Variants in CACNA1C observed in about 807,000 individuals in gnomAD.
CACNA1C encodes the protein voltage-dependent L-type calcium channel subunit alpha-1C.
CACNA1C carries 30 observed loss-of-function variants against 229.0 expected under a neutral mutation model. The ratio of observed to expected loss-of-function variants is 0.13; its 90% CI spans 0.10 to 0.18. The LOEUF (loss-of-function observed/expected upper bound fraction) is 0.18, where lower values mean the gene tolerates loss of function less well. CACNA1C is among the 10% of genes least tolerant of loss of function. The probability of loss-of-function intolerance (pLI) is 1.00; values close to 1 mark genes in which losing one functional copy is unlikely to be tolerated. For missense variants in CACNA1C, 1,658 were observed against 2,845.0 expected (o/e 0.58, Z 9.49); for synonymous variants, 1,114 against 1,132.5 (o/e 0.98, Z 0.33).
At position 2,409,256 on chromosome 12, in the gene CACNA1C, C is replaced by T. The variant is rs181966237; in HGVS notation, c.478-39720C>T. On this transcript the variant is annotated intron_variant, in intron 3 of 46. Transcript: ENST00000399655. The stretch of plus-strand genomic sequence containing the variant: ...GCTTTGAATTGGGATGTTTGGGTTC[C>T]GACCTAGTTTTGCCACTAATCAGCT... Among the ~76,000 whole-genome samples the T allele has an allele frequency of 3.3e-5, 5 of 152,318 alleles. No homozygotes were observed. In the East Asian group the frequency reaches 5.8e-4, roughly 18 times the overall value.
At chr12:2,541,717 G>C (rs2099870927) in intron 9 of CACNA1C, among the ~76,000 whole-genome samples, 1 of 152,178 alleles carries the variant, frequency 6.6e-6, no homozygotes, top group Non-Finnish European at 1.5e-5. Flanking sequence ...AATACACACT[G>C]GGCATTTTTC....
At position 2,607,069 on chromosome 12, in the gene CACNA1C, G is replaced by A. The variant is rs771549676; in HGVS notation, c.3295G>A (p.Asp1099Asn). The change falls in exon 26 of 47, where the codon GAC (aspartate) becomes AAC (asparagine). Residue 1099 changes from aspartate (D) to asparagine (N), a missense_variant. Transcript: ENST00000399655. ...RSWENSKFDFDNVLAAMMALF... is the reference protein window; with the variant it reads ...RSWENSKFDFNNVLAAMMALF... ...CTGGGAGAACAGCAAGTTTGACTTT[G>A]ACAATGTTCTGGCAGCCATGATGGC... 3.1e-6 allele frequency: 5 copies of A among 1,613,850 alleles called. No homozygotes were observed. The African/African-American group carries it at 6.7e-5, about 22-fold the overall frequency.
intron 3 of CACNA1C, among the ~76,000 whole-genome samples, chr12:2,209,510 A>G (rs997118865): frequency 2.6e-5 from 4 of 152,222 alleles, no homozygotes; most frequent in Admixed American, 2.0e-4. Context: ...GTGCTGTTTC[A>G]TAAGGTGGTT....
At chr12:2,581,134 C>T (rs1447936698) in intron 13 of CACNA1C, among the ~76,000 whole-genome samples, 1 of 152,214 alleles carries the variant, frequency 6.6e-6, no homozygotes, top group African/African-American at 2.4e-5. Context: ...TAGAGACCAA[C>T]AGTGACAACA....
intron 4 of CACNA1C, among the ~76,000 whole-genome samples, chr12:2,452,694 C>T (rs931552389): frequency 2.6e-5 from 4 of 152,188 alleles, no homozygotes; most frequent in South Asian, 2.1e-4. Context: ...GAATTAAAAG[C>T]GGATACTTAA....
At chr12:2,557,028 T>G in intron 11 of CACNA1C, 51 bp downstream of exon 11, 1 of 1,541,670 alleles carries the variant, frequency 6.5e-7, no homozygotes, top group Non-Finnish European at 9.0e-7. Flanking sequence ...AGCTCTGTCT[T>G]CAGCCACCCT....
At chr12:2,173,604 T>C (rs1483862563) in intron 3 of CACNA1C, among the ~76,000 whole-genome samples, 1 of 152,136 alleles carries the variant, frequency 6.6e-6, no homozygotes, top group Non-Finnish European at 1.5e-5. Flanking sequence ...GTTTTCACCC[T>C]GTATCCCCAT....
chr12:2,463,442 G>A (rs930586008), intron 5 of CACNA1C, among the ~76,000 whole-genome samples: 6 of 152,080 alleles, frequency 3.9e-5, no homozygotes, highest in Admixed American at 3.9e-4. Context: ...TGTAGTAGAA[G>A]AAAAAATATT....
At chr12:2,066,270 G>A (rs1310548198) in intron 1 of CACNA1C, among the ~76,000 whole-genome samples, 1 of 152,108 alleles carries the variant, frequency 6.6e-6, no homozygotes, top group African/African-American at 2.4e-5. Context: ...TTCTGTCTAA[G>A]AAGGTGCTAT....
intron 9 of CACNA1C, among the ~76,000 whole-genome samples, chr12:2,544,654 C>T (rs907366248): frequency 1.3e-4 from 20 of 152,308 alleles, no homozygotes; most frequent in African/African-American, 4.3e-4. Context: ...TGTAAAACTC[C>T]GTGCTTCCAG....
In CACNA1C at chr12:2,120,428, C is replaced by T; in HGVS notation, c.475C>T (p.Leu159=). ...TGATTCCAACGCCACCAATTCCAAC[C>T]TGGTAAGTCCACCATCCTCAAGTCT... ...EDDSNATNSN[L]ERVEYLFLII... Residue 159 remains leucine, a splice_region_variant and synonymous_variant, in exon 3 of 47, where the codon CTG becomes TTG. Coordinates refer to ENST00000399655, the MANE Select transcript of CACNA1C (RefSeq NM_000719.7). 1.9e-6 allele frequency: 3 copies of T among 1,550,878 alleles called. No homozygotes were observed. The highest frequency in any genetic ancestry group is 1.1e-5 in the South Asian group (1 of 89,798).
chr12:2,468,350 G>A (rs1268915237), intron 5 of CACNA1C, among the ~76,000 whole-genome samples: 2 of 152,208 alleles, frequency 1.3e-5, no homozygotes, highest in Non-Finnish European at 1.5e-5. Context: ...AGTGATAAAT[G>A]TTAGGGTTAC....
At chr12:2,160,931 C>T (rs2095823302) in intron 3 of CACNA1C, among the ~76,000 whole-genome samples, 1 of 152,232 alleles carries the variant, frequency 6.6e-6, no homozygotes. Context: ...AAGCGATTCT[C>T]CTGCCTCAGC....
intron 29 of CACNA1C, chr12:2,613,795 A>G (rs2079063443): frequency 6.6e-6 from 1 of 152,662 alleles, no homozygotes; most frequent in Non-Finnish European, 1.5e-5. Context: ...TTCGCCACCC[A>G]CAGCAGCATG....
chr12:2,450,350 C>T lies in CACNA1C; in HGVS notation c.617+1235C>T, dbSNP rs10848657. ...CGGGCGGATCACGAGGTCAGGAGAT[C>T]GAGACCATCCTGGCTAACACGGTGA... On this transcript the variant is annotated intron_variant, in intron 4 of 46. Coordinates refer to ENST00000399655, the MANE Select transcript of CACNA1C (RefSeq NM_000719.7). Among the ~76,000 whole-genome samples the T allele has an allele frequency of 7.4e-3, 1,118 of 151,828 alleles. 6 individuals are homozygous for T. The highest frequency in any genetic ancestry group is 9.5e-3 in the Non-Finnish European group (645 of 67,934).
At chr12:2,269,243 G>A (rs1021588149) in intron 3 of CACNA1C, among the ~76,000 whole-genome samples, 3 of 152,208 alleles carry the variant, frequency 2.0e-5, no homozygotes, top group East Asian at 1.9e-4. Context: ...CCAGGAGGGA[G>A]TCATGGGAAT....
chr12:2,046,696 A>G (rs1339357265), intron 1 of CACNA1C, among the ~76,000 whole-genome samples: 3 of 152,224 alleles, frequency 2.0e-5, no homozygotes, highest in Non-Finnish European at 2.9e-5. Context: ...AGGCTGCTGT[A>G]GAATAAGCTT....
At chr12:2,128,404 T>G (rs2090996852) in intron 3 of CACNA1C, among the ~76,000 whole-genome samples, 1 of 151,850 alleles carries the variant, frequency 6.6e-6, no homozygotes, top group South Asian at 2.1e-4. Flanking sequence ...CAAAGGTAAA[T>G]ACATTATTTT....
intron 3 of CACNA1C, among the ~76,000 whole-genome samples, chr12:2,352,695 C>A (rs1461746319): frequency 6.7e-6 from 1 of 148,780 alleles, no homozygotes; most frequent in African/African-American, 2.5e-5. Flanking sequence ...TGCTGGTTAC[C>A]CCCAAGGATG....
Sources: gnomAD v4.1 joint callset for allele counts (sites outside exome capture counted in the v4.1 genomes callset) on GRCh38, gnomAD v4.1.1 for gene constraint, MANE v1.5 for transcripts, NCBI Gene and HGNC (gene_info 2026-07-23, HGNC 2026-07-21) for gene names.